The following NRL variants were observed in gnomAD, a reference collection of about 807,000 sequenced individuals.
NRL encodes the protein neural retina-specific leucine zipper protein.
Under a neutral mutation model 12.5 loss-of-function variants are expected in NRL, and 16 were observed. That is an observed-to-expected ratio of 1.28 (90% CI 0.87 to 1.95). NRL has a LOEUF of 1.95. NRL is among the 30% of genes most tolerant of loss of function. The probability of loss-of-function intolerance (pLI) is 0.00; values close to 1 mark genes in which losing one functional copy is unlikely to be tolerated. For synonymous variants in NRL, 142 were observed against 150.9 expected (o/e 0.94, Z 0.43); for missense variants, 314 against 325.8 (o/e 0.96, Z 0.28).
Position 24,097,183 on chromosome 14 carries a change from A to G in NRL, c.-27-14308T>C, listed in dbSNP as rs1472856363. ...CCTGCAGGATAGGTGCACTGAGGCCACTTTGGGTTCACCAAGGCAAAATCA... is the reference window on the plus strand; with the variant it reads ...CCTGCAGGATAGGTGCACTGAGGCCGCTTTGGGTTCACCAAGGCAAAATCA... On this transcript the variant is annotated intron_variant, in intron 1 of 2. Transcript: ENST00000561028. 5 of 1,592,146 alleles carry G rather than the reference A, an allele frequency of 3.1e-6. No individual in the cohort carries two copies. In the South Asian group the frequency reaches 4.5e-5, roughly 14 times the overall value.
intron 1 of NRL, 92 bp from the exon 2 acceptor site, chr14:24,082,967 G>T: frequency 7.8e-7 from 1 of 1,288,140 alleles, no homozygotes; most frequent in Non-Finnish European, 1.1e-6. Flanking sequence ...CAAGTGCCCT[G>T]GAGCAAGAGT....
chr14:24,104,507 C>T (rs1320127851), intron 1 of NRL, among the ~76,000 whole-genome samples: 1 of 151,302 alleles, frequency 6.6e-6, no homozygotes, highest in Non-Finnish European at 1.5e-5. Flanking sequence ...GGAGTGGTGG[C>T]GGGCGCCTGT....
intron 1 of NRL, among the ~76,000 whole-genome samples, chr14:24,111,042 A>G (rs2037410387): frequency 6.6e-6 from 1 of 151,854 alleles, no homozygotes; most frequent in East Asian, 1.9e-4. Flanking sequence ...AGTACAGTGG[A>G]GCAATCATGG....
rs929783455 is a variant in NRL at position 24,081,885 on chromosome 14, G to A, written c.382-317C>T. The A allele has an allele frequency of 7.5e-7, 1 of 1,337,704 alleles. No homozygotes were observed. Among genetic ancestry groups the A allele is most frequent in the African/African-American group, 1.5e-5 (1 of 65,776 alleles). The allele number at this position is 1,337,704 out of a possible 1,614,324, so 82.9% of individuals were successfully genotyped here. ...ATCCCCGGCATCCAGCTCCAGGCCC[G>A]GGTGTGTCCAGTGGACCCGCACCCA... On this transcript the variant is annotated intron_variant, in intron 2 of 2. Transcript: ENST00000561028. This position sits in a 1 kb window ranked among gnomAD's most constrained non-coding sequence, Gnocchi z 4.4.
intron 1 of NRL, among the ~76,000 whole-genome samples, chr14:24,091,577 T>C (rs2036632955): frequency 6.6e-6 from 1 of 152,202 alleles, no homozygotes. Flanking sequence ...TATGATCTAA[T>C]TTTTAATGGT....
intron 1 of NRL, among the ~76,000 whole-genome samples, chr14:24,083,241 A>AT (rs1299923742): frequency 2.6e-5 from 4 of 152,158 alleles, no homozygotes; most frequent in African/African-American, 4.8e-5. Flanking sequence ...TTTCCAAGCC[A>AT]TTTTTTTAAA....
rs894063123 is a variant in NRL at position 24,094,186 on chromosome 14, C to A, written c.-27-11311G>T. The A allele has an allele frequency of 3.4e-5, 19 of 560,568 alleles. 1 individual carries two copies. The South Asian group carries it at 3.9e-4, about 11-fold the overall frequency. The allele number at this position is 560,568 out of a possible 1,614,324, so 34.7% of individuals were successfully genotyped here. A position where few individuals can be genotyped will look rare whatever the true frequency, so the allele number is the denominator to read the frequency against. ...GGCGGCGGCTGGGCTGACCTGGAGC[C>A]TGGAGCCCCGGGGCCGAGGGAGCTG... On this transcript the variant is annotated intron_variant, in intron 1 of 2. Coordinates refer to ENST00000561028, the MANE Select transcript of NRL (RefSeq NM_001354768.3). This position sits in a 1 kb window ranked among gnomAD's most constrained non-coding sequence, Gnocchi z 4.1.
At position 24,098,694 on chromosome 14, in the gene NRL, G is replaced by A. The variant is rs767701370; in HGVS notation, c.-27-15819C>T. On this transcript the variant is annotated intron_variant, in intron 1 of 2. Transcript: ENST00000561028. ...ACAGGACAAGGTAAGCACCTGCTCT[G>A]CCCCAAGGGGAACACAGAGGCCTTC... 10 of 1,606,514 alleles carry A rather than the reference G, an allele frequency of 6.2e-6. No homozygotes were observed. In the Admixed American group the frequency reaches 1.5e-4, roughly 24 times the overall value.
At chr14:24,082,298 A>G (rs548135184) in intron 2 of NRL, among the ~76,000 whole-genome samples, 170 bp downstream of exon 2, 1 of 152,194 alleles carries the variant, frequency 6.6e-6, no homozygotes, top group Non-Finnish European at 1.5e-5. Flanking sequence ...AAGGGGGAGA[A>G]GCAGAATGTA....
chr14:24,098,396 G>A (rs770794151), intron 1 of NRL: 1 of 1,611,920 alleles, frequency 6.2e-7, no homozygotes. Flanking sequence ...GGGTAACCAG[G>A]GCAGGGGCAC....
At chr14:24,103,540 T>G (rs756429293) in intron 1 of NRL, 2 of 1,563,586 alleles carry the variant, frequency 1.3e-6, no homozygotes, top group East Asian at 4.5e-5. Flanking sequence ...CCATTTGCCA[T>G]GCGGCCCTTT....
intron 1 of NRL, among the ~76,000 whole-genome samples, chr14:24,092,181 G>A (rs890211857): frequency 1.3e-5 from 2 of 152,212 alleles, no homozygotes; most frequent in African/African-American, 4.8e-5. Flanking sequence ...CATGCACAGT[G>A]TGGGGAGTGG....
rs969329734 is a variant in NRL at position 24,094,195 on chromosome 14, C to T, written c.-27-11320G>A. 12 of 565,114 alleles carry T rather than the reference C, an allele frequency of 2.1e-5. No individual in the cohort carries two copies. The highest frequency in any genetic ancestry group is 7.5e-5 in the Admixed American group (2 of 26,564). 35.0% of individuals were successfully genotyped at this position (565,114 alleles called of 1,614,324 possible). A position where few individuals can be genotyped will look rare whatever the true frequency, so the allele number is the denominator to read the frequency against. On this transcript the variant is annotated intron_variant, in intron 1 of 2. Coordinates refer to ENST00000561028, the MANE Select transcript of NRL (RefSeq NM_001354768.3). This position sits in a 1 kb window ranked among gnomAD's most constrained non-coding sequence, Gnocchi z 4.1. ...TGGGCTGACCTGGAGCCTGGAGCCC[C>T]GGGGCCGAGGGAGCTGGCCTGCCAG... is the stretch of plus-strand genomic sequence containing the variant.
chr14:24,091,254 G>A (rs535312406), intron 1 of NRL, among the ~76,000 whole-genome samples: 11 of 152,078 alleles, frequency 7.2e-5, no homozygotes, highest in Non-Finnish European at 1.0e-4. Flanking sequence ...GGGTTCAAGC[G>A]ATTCTCCTGC....
rs35618680 is a variant in NRL at position 24,103,603 on chromosome 14, G to A, written c.-28+11119C>T. 150,185 of 1,612,106 alleles carry A rather than the reference G, an allele frequency of 0.093. 7,364 individuals carry two copies. Among genetic ancestry groups the A allele is most frequent in the South Asian group, 0.14 (13,144 of 90,828 alleles). ...GAACACTGGCTGAGCATGGAAGGGC[G>A]CAAGGGGGCCCAGCTGCCCCGTATC... On this transcript the variant is annotated intron_variant, in intron 1 of 2. Transcript: ENST00000561028.
chr14:24,099,983 T>C, intron 1 of NRL: 1 of 1,614,216 alleles, frequency 6.2e-7, no homozygotes, highest in Non-Finnish European at 8.5e-7. Context: ...TTTCTTTCAC[T>C]TCTCCTAACA....
intron 1 of NRL, among the ~76,000 whole-genome samples, chr14:24,102,432 C>T (rs1236220611): frequency 1.3e-5 from 2 of 151,988 alleles, no homozygotes; most frequent in African/African-American, 2.4e-5. Context: ...TAACCTTATG[C>T]CCATATCTAA....
chr14:24,094,839 G>C lies in NRL; in HGVS notation c.-27-11964C>G. 1 of 1,318,804 alleles carries C rather than the reference G, an allele frequency of 7.6e-7. No individual in the cohort carries two copies. Among genetic ancestry groups the C allele is most frequent in the South Asian group, 1.2e-5 (1 of 81,262 alleles). 81.7% of individuals were successfully genotyped at this position (1,318,804 alleles called of 1,614,324 possible). On this transcript the variant is annotated intron_variant, in intron 1 of 2. Transcript: ENST00000561028. This position sits in a 1 kb window ranked among gnomAD's most constrained non-coding sequence, Gnocchi z 4.1. ...CTTCGAGAGGCAGCAGGGCCCTGGG[G>C]ACAAGGGTACGTGAGCCCCGGGAGA...
intron 1 of NRL, among the ~76,000 whole-genome samples, chr14:24,092,492 C>A (rs1385345033): frequency 6.6e-6 from 1 of 152,224 alleles, no homozygotes; most frequent in Non-Finnish European, 1.5e-5. Context: ...TGATGACCTT[C>A]AGGTCAACCA....
Sources: gnomAD v4.1 joint callset for allele counts (sites outside exome capture counted in the v4.1 genomes callset) on GRCh38, gnomAD v4.1.1 for gene constraint, Gnocchi (gnomAD v3.1) non-coding constraint, MANE v1.5 for transcripts, NCBI Gene and HGNC (gene_info 2026-07-23, HGNC 2026-07-21) for gene names.